The following ABCA13 variants were observed in gnomAD, a reference collection of about 807,000 sequenced individuals.
ABCA13 encodes ATP binding cassette subfamily A member 13, also known as ATP-binding cassette sub-family A member 13.
Under a neutral mutation model 478.7 loss-of-function variants are expected in ABCA13, and 476 were observed. That is an observed-to-expected ratio of 0.99 (90% CI 0.92 to 1.07). ABCA13 has a LOEUF of 1.07. Among genes scored for constraint, ABCA13 ranks in the 50% least tolerant of loss-of-function variants. The pLI, the probability that ABCA13 is intolerant of heterozygous loss-of-function variation, is 0.00. For missense variants in ABCA13, 6,060 were observed against 5,910.6 expected, an observed-to-expected ratio of 1.03 and a Z score of -0.83; for synonymous variants, 2,252 against 2,158.9, an observed-to-expected ratio of 1.04 and a Z score of -1.20.
At chr7:48,373,580 C>T (rs1346884317) in intron 33 of ABCA13, among the ~76,000 whole-genome samples, 1 of 152,078 alleles carries the variant, frequency 6.6e-6, no homozygotes, top group Non-Finnish European at 1.5e-5. Flanking sequence ...TTGTAAAAAC[C>T]CATAACCAAT....
At chr7:48,623,490 T>C (rs1168428409) in intron 59 of ABCA13, among the ~76,000 whole-genome samples, 1 of 152,222 alleles carries the variant, frequency 6.6e-6, no homozygotes, top group Non-Finnish European at 1.5e-5. Flanking sequence ...GAGCAGTTAA[T>C]AACAGAACAT....
chr7:48,317,108 A>G (rs1049326846), intron 26 of ABCA13, 49 bp from the exon 27 acceptor site: 1 of 1,570,004 alleles, frequency 6.4e-7, no homozygotes, highest in East Asian at 2.3e-5. Flanking sequence ...CTATTAACCT[A>G]GGCATCGTGT....
At chr7:48,425,038 T>C (rs1821219403) in intron 41 of ABCA13, among the ~76,000 whole-genome samples, 1 of 152,160 alleles carries the variant, frequency 6.6e-6, no homozygotes, top group Admixed American at 6.5e-5. Flanking sequence ...GTTCCAGAAT[T>C]TTCAGACACA....
chr7:48,633,231 A>G (rs1327092307), intron 59 of ABCA13, among the ~76,000 whole-genome samples: 3 of 152,190 alleles, frequency 2.0e-5, no homozygotes. Context: ...AAAAAGATAA[A>G]TAAACAAATA....
At chr7:48,548,545 C>A (rs1785021625) in intron 55 of ABCA13, among the ~76,000 whole-genome samples, 1 of 137,482 alleles carries the variant, frequency 7.3e-6, no homozygotes, top group African/African-American at 2.9e-5. Flanking sequence ...CAGCATGTAA[C>A]ACATTTTTTT....
intron 32 of ABCA13, among the ~76,000 whole-genome samples, chr7:48,369,284 T>C (rs1419789578): frequency 6.6e-6 from 1 of 152,192 alleles, no homozygotes; most frequent in African/African-American, 2.4e-5. Context: ...AGATTCTGGA[T>C]ATTAGTCATT....
intron 55 of ABCA13, among the ~76,000 whole-genome samples, chr7:48,547,827 A>G (rs1178705841): frequency 2.0e-5 from 3 of 146,822 alleles, no homozygotes; most frequent in African/African-American, 7.8e-5. Context: ...TTCTGAGCAC[A>G]CTTAAGATAG....
chr7:48,403,911 C>T (rs1457775007), intron 39 of ABCA13, 32 bp downstream of exon 39: 2 of 1,593,830 alleles, frequency 1.3e-6, no homozygotes, highest in African/African-American at 1.3e-5. Context: ...GCCTTCTCTT[C>T]CCACAATATT....
intron 3 of ABCA13, among the ~76,000 whole-genome samples, chr7:48,202,275 C>T (rs1004532659): frequency 1.7e-4 from 26 of 152,276 alleles, no homozygotes; most frequent in East Asian, 7.7e-4. Context: ...TTTGACAGGG[C>T]GCTGATTGGT....
intron 1 of ABCA13, among the ~76,000 whole-genome samples, chr7:48,171,924 G>A (rs917767626): frequency 2.0e-5 from 3 of 152,242 alleles, no homozygotes; most frequent in Non-Finnish European, 2.9e-5. Context: ...TAATGCATAA[G>A]CAGAATGCTA....
intron 3 of ABCA13, among the ~76,000 whole-genome samples, chr7:48,201,066 C>T (rs2128918552): frequency 6.7e-6 from 1 of 148,856 alleles, no homozygotes; most frequent in East Asian, 2.1e-4. Context: ...TCTCAGGCTC[C>T]GCCTACTTTA....
In ABCA13 at chr7:48,495,864, T is replaced by C. The variant is rs779700093; in HGVS notation, c.13291+6520T>C. On this transcript the variant is annotated intron_variant, in intron 48 of 61. Coordinates refer to ENST00000435803, the MANE Select transcript of ABCA13 (RefSeq NM_152701.5). Reference sequence around the variant, plus strand: ...TGCATATATGTAGTGTTCCTCTTTGTCACTAGTAAATGTAGTTGCTGTGAA... The same window carrying C: ...TGCATATATGTAGTGTTCCTCTTTGCCACTAGTAAATGTAGTTGCTGTGAA... 7.2e-5 allele frequency among the ~76,000 whole-genome samples: 11 copies of C among 152,298 alleles called. No individual in the cohort carries two copies. The East Asian group carries it at 2.1e-3, about 29-fold the overall frequency.
At chr7:48,474,809 G>T (rs1057172719) in intron 45 of ABCA13, among the ~76,000 whole-genome samples, 1 of 152,108 alleles carries the variant, frequency 6.6e-6, no homozygotes, top group African/African-American at 2.4e-5. Context: ...TTCTATTATA[G>T]TAGTGGCTTT....
At chr7:48,358,764 C>A (rs1335174816) in intron 31 of ABCA13, among the ~76,000 whole-genome samples, 1 of 151,986 alleles carries the variant, frequency 6.6e-6, no homozygotes, top group Admixed American at 6.5e-5. Context: ...AAAGTGGCAG[C>A]ACTGGGTTGC....
At chr7:48,252,142 G>A (rs1234598102) in intron 15 of ABCA13, among the ~76,000 whole-genome samples, 1 of 151,926 alleles carries the variant, frequency 6.6e-6, no homozygotes, top group Non-Finnish European at 1.5e-5. Flanking sequence ...CTCGTCTTCT[G>A]CATGTGTACA....
chr7:48,365,840 T>C (rs1811575480), intron 31 of ABCA13, among the ~76,000 whole-genome samples: 1 of 152,320 alleles, frequency 6.6e-6, no homozygotes, highest in East Asian at 1.9e-4. Context: ...GTTGATGTGA[T>C]GTGAGAAGTT....
intron 38 of ABCA13, among the ~76,000 whole-genome samples, chr7:48,392,381 C>T (rs1816205075): frequency 6.6e-6 from 1 of 152,280 alleles, no homozygotes; most frequent in South Asian, 2.1e-4. Flanking sequence ...AAGAGATGAG[C>T]ACATGTAAGC....
chr7:48,225,174 T>C (rs1326143376), intron 5 of ABCA13, among the ~76,000 whole-genome samples: 1 of 149,062 alleles, frequency 6.7e-6, no homozygotes, highest in Non-Finnish European at 1.5e-5. Flanking sequence ...CCTTCCTTCC[T>C]TCCTTCCTTC....
rs4022355 is a variant in ABCA13, at chr7:48,422,055, CAAAAAAAAAAAAAAAAAA to C, written c.12460-5699_12460-5682del. Among the ~76,000 whole-genome samples the C allele has an allele frequency of 9.9e-5, 8 of 80,566 alleles. No individual in the cohort carries two copies. The South Asian group carries it at 1.6e-3, about 16-fold the overall frequency. 52.9% of individuals were successfully genotyped at this position (80,566 alleles called of 152,430 possible). A position where few individuals can be genotyped will look rare whatever the true frequency, so the allele number is the denominator to read the frequency against. On this transcript the variant is annotated intron_variant, in intron 41 of 61. Coordinates refer to ENST00000435803, the MANE Select transcript of ABCA13 (RefSeq NM_152701.5). Reference sequence around the variant, plus strand: ...AAACCCTAATCTGGTGTCTTTCTTACAAAAAAAAAAAAAAAAAAAAAAAAAAAAAGAAAAAAGGAAAGA... The same window carrying C: ...AAACCCTAATCTGGTGTCTTTCTTACAAAAAAAAAAAGAAAAAAGGAAAGA...
Sources: allele counts gnomAD v4.1 joint callset (sites outside exome capture counted in the v4.1 genomes callset), GRCh38; gene constraint gnomAD v4.1.1; transcripts MANE v1.5; gene names NCBI Gene and HGNC (gene_info 2026-07-23, HGNC 2026-07-21).